MYO9B: variants seen among roughly 807,000 people sequenced by gnomAD.
MYO9B encodes unconventional myosin-IXb.
Under a neutral mutation model 229.5 loss-of-function variants are expected in MYO9B, and 71 were observed. That is an observed-to-expected ratio of 0.31 (90% confidence interval 0.26 to 0.38). The LOEUF is 0.38. Ranked by LOEUF, MYO9B falls within the 10% of genes least tolerant of loss-of-function variation. The pLI, the probability that MYO9B is intolerant of heterozygous loss-of-function variation, is 1.00. For synonymous variants in MYO9B, 1,185 were observed against 1,235.8 expected, an observed-to-expected ratio of 0.96 and a Z score of 0.86; for missense variants, 2,255 against 2,920.5, an observed-to-expected ratio of 0.77 and a Z score of 5.25.
chr19:17,077,133 G>C (rs957771494), intron 1 of MYO9B, among the ~76,000 whole-genome samples: 2 of 152,194 alleles, frequency 1.3e-5, no homozygotes, highest in Non-Finnish European at 2.9e-5. Flanking sequence ...TGGGCTACAG[G>C]AAAGTTATTC....
intron 3 of MYO9B, among the ~76,000 whole-genome samples, chr19:17,152,151 C>A (rs1401662353): frequency 6.8e-6 from 1 of 146,976 alleles, no homozygotes; most frequent in Non-Finnish European, 1.5e-5. Context: ...CACGTCATTG[C>A]ACTCCAGCCT....
intron 1 of MYO9B, among the ~76,000 whole-genome samples, chr19:17,098,080 A>G (rs1210036369): frequency 1.5e-5 from 2 of 133,184 alleles, no homozygotes; most frequent in African/African-American, 2.8e-5. Flanking sequence ...TTCACGATGG[A>G]GTCTCACTCT....
intron 22 of MYO9B, 41 bp from the exon 23 acceptor site, chr19:17,197,751 T>C: frequency 1.2e-6 from 2 of 1,610,352 alleles, no homozygotes; most frequent in African/African-American, 2.7e-5. Flanking sequence ...TGCCACTGAC[T>C]CACTCTAGTC....
At chr19:17,188,993 CAAA>C (rs34367144) in intron 19 of MYO9B, among the ~76,000 whole-genome samples, 15 of 126,344 alleles carry the variant, frequency 1.2e-4, no homozygotes, top group Admixed American at 2.4e-4. Context: ...ACTAAAAATA[CAAA>C]AAAAAAAAAA....
At chr19:17,079,740 GC>G (rs947343225) in intron 1 of MYO9B, among the ~76,000 whole-genome samples, 1 of 152,088 alleles carries the variant, frequency 6.6e-6, no homozygotes. Context: ...TCTGGGTGCT[GC>G]CCCCACACCC....
chr19:17,189,958 G>T (rs1026436395), intron 19 of MYO9B, among the ~76,000 whole-genome samples: 1 of 151,682 alleles, frequency 6.6e-6, no homozygotes, highest in Non-Finnish European at 1.5e-5. Context: ...CCAGCTACTC[G>T]GGAGGCTGAG....
At chr19:17,086,575 G>A (rs1175630335) in intron 1 of MYO9B, among the ~76,000 whole-genome samples, 2 of 152,140 alleles carry the variant, frequency 1.3e-5, no homozygotes, top group African/African-American at 4.8e-5. Flanking sequence ...CGCCACAAGT[G>A]GTAACTTCCA....
At chr19:17,201,538 C>A (rs965130456) in intron 26 of MYO9B, among the ~76,000 whole-genome samples, 1 of 152,084 alleles carries the variant, frequency 6.6e-6, no homozygotes, top group Non-Finnish European at 1.5e-5. Flanking sequence ...TGTGGGGCAG[C>A]AGGAAGGGCC....
intron 1 of MYO9B, among the ~76,000 whole-genome samples, chr19:17,089,321 G>A (rs1031996933): frequency 6.6e-6 from 1 of 151,980 alleles, no homozygotes; most frequent in Non-Finnish European, 1.5e-5. Flanking sequence ...CACAAAATGT[G>A]AAATGCACTG....
At chr19:17,188,115 A>G (rs2072939726) in intron 19 of MYO9B, 70 bp downstream of exon 19, 1 of 1,374,424 alleles carries the variant, frequency 7.3e-7, no homozygotes, top group Non-Finnish European at 1.0e-6. Flanking sequence ...TTCCAAAGAG[A>G]GCTCCTTGCT....
At chr19:17,159,279 T>C (rs1159386559) in intron 7 of MYO9B, 116 bp from the exon 8 acceptor site, 6 of 890,754 alleles carry the variant, frequency 6.7e-6, no homozygotes, top group Non-Finnish European at 1.1e-5. Context: ...GCCTGGCTGC[T>C]GGGGGTCCGT....
intron 7 of MYO9B, among the ~76,000 whole-genome samples, chr19:17,158,925 G>A (rs761895311): frequency 1.1e-4 from 16 of 152,190 alleles, no homozygotes; most frequent in Non-Finnish European, 2.2e-4. Flanking sequence ...CAGGTGCAGC[G>A]GCTCACGCCT....
chr19:17,201,918 C>T lies in MYO9B; in HGVS notation c.4564-8C>T, dbSNP rs752599968. On this transcript the variant is annotated splice_region_variant and splice_polypyrimidine_tract_variant and intron_variant, in intron 26 of 39. Transcript: ENST00000682292. The stretch of plus-strand genomic sequence containing the variant: ...AGGCACGCAGGGTCAGTTCCTCTCC[C>T]CTTCCAGATAAATGACCTCCGTTCC... 4 of 1,609,126 alleles carry T rather than the reference C, an allele frequency of 2.5e-6. No individual in the cohort carries two copies. Among genetic ancestry groups the T allele is most frequent in the Non-Finnish European group, 3.4e-6 (4 of 1,177,006 alleles).
intron 14 of MYO9B, among the ~76,000 whole-genome samples, chr19:17,180,341 A>ATCTTTTTTTTTT (rs1555701612): frequency 2.3e-5 from 2 of 87,984 alleles, no homozygotes; most frequent in African/African-American, 4.9e-5. Context: ...GATGGAAATA[A>ATCTTTTTTTTTT]TTTTTTTTTT....
intron 2 of MYO9B, among the ~76,000 whole-genome samples, chr19:17,141,341 T>C (rs35365035): frequency 0.48 from 73,172 of 151,928 alleles, 19,105 homozygotes; most frequent in African/African-American, 0.69. Context: ...ATCCCCTGGG[T>C]GGCCCAGCCT....
At chr19:17,162,956 C>A (rs756486427) in intron 9 of MYO9B, 32 bp from the exon 10 acceptor site, 5 of 1,598,376 alleles carry the variant, frequency 3.1e-6, no homozygotes, top group Admixed American at 1.7e-5. Context: ...GGTGCACCTG[C>A]GGGCAGTGAC....
intron 2 of MYO9B, among the ~76,000 whole-genome samples, chr19:17,133,307 C>A (rs1176321994): frequency 6.6e-6 from 1 of 152,150 alleles, no homozygotes; most frequent in African/African-American, 2.4e-5. Flanking sequence ...AATCTTCTCT[C>A]TTAGGAATTT....
Position 17,210,751 on chromosome 19 carries a change from G to T in MYO9B, c.5833G>T (p.Glu1945Ter). 1 of 1,564,948 alleles carries T rather than the reference G, an allele frequency of 6.4e-7. No individual in the cohort carries two copies. The highest frequency in any genetic ancestry group is 8.7e-7 in the Non-Finnish European group (1 of 1,155,110). ...CAAGACCCGGGACATCCAGGAGGAG[G>T]AGCTGGAGGTGCTGCTGGAGGAGGA... ...SPKTRDIQEE[E>*]LEVLLEEEAA... is the part of the protein sequence containing the mutation. The change falls in exon 38 of 40, where the codon GAG becomes TAG. Residue 1945 changes from glutamate to a stop codon, truncating the protein, a stop_gained. Transcript: ENST00000682292. LOFTEE classifies it high-confidence loss of function.
intron 2 of MYO9B, among the ~76,000 whole-genome samples, chr19:17,126,853 G>A (rs188195782): frequency 0.029 from 4,226 of 146,416 alleles, 209 homozygotes; most frequent in African/African-American, 0.098. Flanking sequence ...TAATAGAGAC[G>A]GGGTTTCACC....
Sources: gnomAD v4.1 joint callset for allele counts (sites outside exome capture counted in the v4.1 genomes callset) on GRCh38, gnomAD v4.1.1 for gene constraint, MANE v1.5 for transcripts, NCBI Gene and HGNC (gene_info 2026-07-23, HGNC 2026-07-21) for gene names.